EIF4G1: variants seen among roughly 807,000 people sequenced by gnomAD.
EIF4G1 encodes EIF4-gamma.
In EIF4G1, 4 loss-of-function variants were observed where a neutral mutation model predicts 187.8. The observed-to-expected ratio is 0.02, with a 90% CI of 0.01 to 0.05. The LOEUF is 0.05. EIF4G1 is among the 10% of genes least tolerant of loss of function. The pLI, the probability that EIF4G1 is intolerant of heterozygous loss-of-function variation, is 1.00. For missense variants in EIF4G1, 1,647 were observed against 2,081.1 expected, an observed-to-expected ratio of 0.79 and a Z score of 4.06; for synonymous variants, 844 against 781.4, an observed-to-expected ratio of 1.08 and a Z score of -1.34.
At chr3:184,324,849 T>C (rs757102049) in intron 17 of EIF4G1, 29 bp from the exon 18 acceptor site, 1 of 1,610,014 alleles carries the variant, frequency 6.2e-7, no homozygotes. Context: ...GTTATCTTTT[T>C]GACACAATCC....
chr3:184,322,579 T>G lies in EIF4G1; in HGVS notation c.1644T>G (p.Pro548=), dbSNP rs1724108927. ...CAGTACCAGAGGTGGAAAATCAGCC[T>G]CCTGCAGGCAGCAATCCAGGCCCAG... ...NPAVPEVENQ[P]PAGSNPGPES... is the part of the protein sequence containing the mutation. Residue 548 remains proline (P), a synonymous_variant, in exon 12 of 33, where the codon CCT becomes CCG. Transcript: ENST00000346169. 6.2e-7 allele frequency: 1 copy of G among 1,614,124 alleles called. No individual in the cohort carries two copies. The highest frequency in any genetic ancestry group is 8.5e-7 in the Non-Finnish European group (1 of 1,180,032).
At chr3:184,321,144 A>C in intron 9 of EIF4G1, 138 bp from the exon 10 acceptor site, 1 of 1,488,226 alleles carries the variant, frequency 6.7e-7, no homozygotes, top group South Asian at 1.2e-5. Flanking sequence ...GTTTTGGATG[A>C]AAGTGGAAGT....
At position 184,334,792 on chromosome 3, in the gene EIF4G1, A is replaced by G; in HGVS notation, c.4684A>G (p.Ser1562Gly). ...EDVVKEDAFYSWESSKDPAEQ... is the reference protein window; with the variant it reads ...EDVVKEDAFYGWESSKDPAEQ... ...CGTGGTGAAGGAGGATGCCTTCTACAGTTGGGAGAGTAGCAAGGACCCCGC... is the reference window on the plus strand; with the variant it reads ...CGTGGTGAAGGAGGATGCCTTCTACGGTTGGGAGAGTAGCAAGGACCCCGC... Residue 1562 changes from serine (S) to glycine (G), a missense_variant, in exon 33 of 33, where the codon AGT (serine) becomes GGT (glycine). Coordinates refer to ENST00000346169, the MANE Select transcript of EIF4G1 (RefSeq NM_198241.3). This position sits in a 1 kb window ranked among gnomAD's most constrained non-coding sequence, Gnocchi z 5.8. 1 of 1,614,200 alleles carries G rather than the reference A, an allele frequency of 6.2e-7. No homozygotes were observed. The highest frequency in any genetic ancestry group is 8.5e-7 in the Non-Finnish European group (1 of 1,180,034).
intron 32 of EIF4G1, among the ~76,000 whole-genome samples, chr3:184,333,623 A>G: frequency 6.6e-6 from 1 of 152,224 alleles, no homozygotes; most frequent in East Asian, 1.9e-4. Flanking sequence ...ATATAAAAAC[A>G]TAGAGGCCAC....
Position 184,326,048 on chromosome 3 carries a change from C to G in EIF4G1, c.3222+97C>G. On this transcript the variant is annotated intron_variant, in intron 21 of 32. Transcript: ENST00000346169. ...AGAAGGTGACAGCTGAATGTTTCCT[C>G]TTAGACTAACTGGTTGGATTGCTGG... 20 of 1,290,214 alleles carry G rather than the reference C, an allele frequency of 1.6e-5. 2 individuals carry two copies. The highest frequency in any genetic ancestry group is 3.8e-4 in the Middle Eastern group (2 of 5,290). 79.9% of individuals were successfully genotyped at this position (1,290,214 alleles called of 1,614,324 possible). A position where few individuals can be genotyped will look rare whatever the true frequency, so the allele number is the denominator to read the frequency against.
chr3:184,329,039 G>T (rs759849692), intron 28 of EIF4G1, 49 bp downstream of exon 28: 1 of 1,606,418 alleles, frequency 6.2e-7, no homozygotes, highest in South Asian at 1.1e-5. Context: ...TGTGGTTTTG[G>T]CTGTTTGCTG....
Position 184,325,372 on chromosome 3 carries a change from G to C in EIF4G1, c.2960G>C (p.Gly987Ala), listed in dbSNP as rs907198408. The C allele has an allele frequency of 6.2e-7, 1 of 1,614,228 alleles. No individual in the cohort carries two copies. Among genetic ancestry groups the C allele is most frequent in the Non-Finnish European group, 8.5e-7 (1 of 1,180,048 alleles). Residue 987 changes from glycine to alanine, a missense_variant and splice_region_variant, in exon 19 of 33, where the codon GGG becomes GCG. By Grantham distance (60) the Gly-to-Ala change is moderately conservative. Coordinates refer to ENST00000346169, the MANE Select transcript of EIF4G1 (RefSeq NM_198241.3). This position sits in a 1 kb window ranked among gnomAD's most constrained non-coding sequence, Gnocchi z 5.2. ...CTGCAGGACGTGCTGGATCTGCGAG[G>C]GGTGTGTGTCCCCCTCCTCCCCACT... ...FMLQDVLDLR[G>A]SNWVPRRGDQ... is the part of the protein sequence containing the mutation.
intron 6 of EIF4G1, chr3:184,319,383 C>T (rs897932856): frequency 6.9e-6 from 3 of 437,164 alleles, no homozygotes; most frequent in Non-Finnish European, 8.5e-6. Flanking sequence ...ATAAGTCCTC[C>T]TGGTCACTGG....
Position 184,327,765 on chromosome 3 carries a change from A to G in EIF4G1, c.3780+61A>G, listed in dbSNP as rs190575134. 7.2e-5 allele frequency: 116 copies of G among 1,613,786 alleles called. 1 individual carries two copies. The African/African-American group carries it at 1.3e-3, about 18-fold the overall frequency. The stretch of plus-strand genomic sequence containing the variant: ...GCAGGGAGGGATCATGCTGGCAGGC[A>G]TAGGGGTCCGGGGTCTGGGTCAGAC... On this transcript the variant is annotated intron_variant, in intron 25 of 32. Coordinates refer to ENST00000346169, the MANE Select transcript of EIF4G1 (RefSeq NM_198241.3).
intron 7 of EIF4G1, chr3:184,320,299 T>C (rs1340628802): frequency 2.7e-5 from 34 of 1,270,530 alleles, no homozygotes; most frequent in Non-Finnish European, 1.9e-5. Flanking sequence ...TAGCCACAAG[T>C]GAGCCGATTG....
chr3:184,315,324 AGGC>A, intron 1 of EIF4G1, 162 bp from the exon 2 acceptor site: 1 of 506,050 alleles, frequency 2.0e-6, no homozygotes, highest in Non-Finnish European at 3.9e-6. Flanking sequence ...CCCCTGGGCC[AGGC>A]CCGAACCCGG....
chr3:184,323,296 C>A lies in EIF4G1; in HGVS notation c.2088+55C>A. On this transcript the variant is annotated intron_variant, in intron 14 of 32. Coordinates refer to ENST00000346169, the MANE Select transcript of EIF4G1 (RefSeq NM_198241.3). The surrounding 1 kb of genome is among the most constrained non-coding windows in gnomAD (Gnocchi z 6.9). Reference sequence around the variant, plus strand: ...GGCAAGGAGTGGGAGTGGATGATTCCGTGTCTCAGTGCCCGCGGGGAGGGG... The same window carrying A: ...GGCAAGGAGTGGGAGTGGATGATTCAGTGTCTCAGTGCCCGCGGGGAGGGG... 1 of 1,612,364 alleles carries A rather than the reference C, an allele frequency of 6.2e-7. No homozygotes were observed.
chr3:184,317,488 C>T lies in EIF4G1; in HGVS notation c.315C>T (p.Ile105=), dbSNP rs1490069921. The T allele has an allele frequency of 1.2e-6, 2 of 1,613,938 alleles. No individual in the cohort carries two copies. The highest frequency in any genetic ancestry group is 1.1e-5 in the South Asian group (1 of 91,090). Reference sequence around the variant, plus strand: ...CAGCCTCCCAGGGGGCCTACTACATCCCTGGACAGGTGAGGCTGGGGGCTT... The same window carrying T: ...CAGCCTCCCAGGGGGCCTACTACATTCCTGGACAGGTGAGGCTGGGGGCTT... ...SYPASQGAYY[I]PGQGRSTYVV... The change falls in exon 5 of 33, where the codon ATC becomes ATT. Residue 105 remains isoleucine, a synonymous_variant. Coordinates refer to ENST00000346169, the MANE Select transcript of EIF4G1 (RefSeq NM_198241.3).
chr3:184,317,558 C>T, intron 5 of EIF4G1, 61 bp downstream of exon 5: 1 of 1,598,246 alleles, frequency 6.3e-7, no homozygotes, highest in East Asian at 2.2e-5. Flanking sequence ...CTTAACTCAC[C>T]CTGACCCTCC....
chr3:184,328,704 C>G lies in EIF4G1; in HGVS notation c.4027C>G (p.Leu1343Val), dbSNP rs1370405698. 1 of 1,614,172 alleles carries G rather than the reference C, an allele frequency of 6.2e-7. No homozygotes were observed. The highest frequency in any genetic ancestry group is 1.7e-5 in the Admixed American group (1 of 60,028). ...IPHVWLYLAE[L>V]VTPILQEGGV... ...CCACGTGTGGCTCTACCTAGCGGAACTGGTAACACCCATTCTGCAGGAAGG... is the reference window on the plus strand; with the variant it reads ...CCACGTGTGGCTCTACCTAGCGGAAGTGGTAACACCCATTCTGCAGGAAGG... The change falls in exon 27 of 33, where the codon CTG becomes GTG. Residue 1343 changes from leucine to valine, a missense_variant. Leu to Val is a conservative substitution (Grantham distance 32). Coordinates refer to ENST00000346169, the MANE Select transcript of EIF4G1 (RefSeq NM_198241.3).
intron 4 of EIF4G1, 142 bp from the exon 5 acceptor site, chr3:184,317,179 G>A: frequency 2.1e-6 from 2 of 969,658 alleles, no homozygotes; most frequent in African/African-American, 1.6e-5. Context: ...TAGCCATTTG[G>A]TCAAGTGGTC....
In EIF4G1 at chr3:184,318,677, TCTCTGCAGC is replaced by T. The variant is rs1306156051; in HGVS notation, c.424+865_424+873del. Reference sequence around the variant, plus strand: ...TGGAATGTAGTCGCACAGTCTTGGCTCTCTGCAGCCTCCGCCTCTTGGGTTCAAGTGATT... The same window carrying T: ...TGGAATGTAGTCGCACAGTCTTGGCTCTCCGCCTCTTGGGTTCAAGTGATT... On this transcript the variant is annotated intron_variant, in intron 6 of 32. Coordinates refer to ENST00000346169, the MANE Select transcript of EIF4G1 (RefSeq NM_198241.3). Among the ~76,000 whole-genome samples, 3 of 152,182 alleles carry T rather than the reference TCTCTGCAGC, an allele frequency of 2.0e-5. No homozygotes were observed. The East Asian group carries it at 5.8e-4, about 30-fold the overall frequency.
chr3:184,323,388 C>G lies in EIF4G1; in HGVS notation c.2089-20C>G. The stretch of plus-strand genomic sequence containing the variant: ...TGACTAGTTCCATGTCCCCTCTTGT[C>G]TTCATCCCTTGCTTAGCAGGCTGGC... On this transcript the variant is annotated intron_variant, in intron 14 of 32. Transcript: ENST00000346169. The surrounding 1 kb of genome is among the most constrained non-coding windows in gnomAD (Gnocchi z 6.9). 4 of 1,614,128 alleles carry G rather than the reference C, an allele frequency of 2.5e-6. No homozygotes were observed. The highest frequency in any genetic ancestry group is 3.4e-6 in the Non-Finnish European group (4 of 1,179,998).
At position 184,321,345 on chromosome 3, in the gene EIF4G1, C is replaced by T; in HGVS notation, c.761C>T (p.Pro254Leu). 1 of 1,614,140 alleles carries T rather than the reference C, an allele frequency of 6.2e-7. No homozygotes were observed. ...GGGCTGCCTGGCCCAGAGCATAGCC[C>T]TTCAGAATCCCAGCCTTCGTCGCCT... Reference protein sequence around the residue: ...RPGLPGPEHSPSESQPSSPSP... With the variant: ...RPGLPGPEHSLSESQPSSPSP... Residue 254 changes from proline to leucine, a missense_variant, in exon 10 of 33, where the codon CCT (proline) becomes CTT (leucine). By Grantham distance (98) the Pro-to-Leu change is moderately conservative (BLOSUM62 -3). Around this residue, in one of 11 missense-constraint regions of EIF4G1, gnomAD observed 522 missense variants for 485.2 expected, o/e 1.08. Coordinates refer to ENST00000346169, the MANE Select transcript of EIF4G1 (RefSeq NM_198241.3).
Sources: allele counts gnomAD v4.1 joint callset (sites outside exome capture counted in the v4.1 genomes callset), GRCh38; gene constraint gnomAD v4.1.1; regional missense constraint gnomAD v4.1.1; non-coding constraint Gnocchi (gnomAD v3.1); transcripts MANE v1.5; gene names NCBI Gene and HGNC (gene_info 2026-07-23, HGNC 2026-07-21).